The following DTNA variants were observed in gnomAD, a reference collection of about 807,000 sequenced individuals.
The protein encoded by DTNA is dystrophin-related protein 3.
DTNA carries 43 observed loss-of-function variants against 100.7 expected under a neutral mutation model. That is an observed-to-expected ratio of 0.43 (90% CI 0.33 to 0.55). DTNA has a LOEUF of 0.55. DTNA is among the 20% of genes least tolerant of loss of function. DTNA has a pLI of 0.04. For synonymous variants in DTNA, 349 were observed against 347.9 expected (o/e 1.00, Z -0.04); for missense variants, 798 against 953.9 (o/e 0.84, Z 2.15).
chr18:34,719,901 C>T (rs2084899079), intron 1 of DTNA, among the ~76,000 whole-genome samples: 1 of 152,188 alleles, frequency 6.6e-6, no homozygotes, highest in African/African-American at 2.4e-5. Context: ...GTTCTATATA[C>T]TCATCTACAT....
rs148415705 is a variant in DTNA at position 34,531,247 on chromosome 18, CTG to C, written c.-2+37735_-2+37736del. On this transcript the variant is annotated intron_variant, in intron 1 of 19. Transcript: ENST00000283365. ...TTGTTGGAGGCATCATGACCTAACACTGTTGAGATAGGTAGAGGACTGATGTT... is the reference window on the plus strand; with the variant it reads ...TTGTTGGAGGCATCATGACCTAACACTTGAGATAGGTAGAGGACTGATGTT... 5.0e-3 allele frequency among the ~76,000 whole-genome samples: 768 copies of C among 152,196 alleles called. 7 individuals carry two copies. The highest frequency in any genetic ancestry group is 0.02 in the Middle Eastern group (6 of 294).
At chr18:34,681,537 A>T (rs2078102979) in intron 1 of DTNA, among the ~76,000 whole-genome samples, 1 of 152,148 alleles carries the variant, frequency 6.6e-6, no homozygotes, top group Non-Finnish European at 1.5e-5. Flanking sequence ...ATCATGGCTT[A>T]TGTGACAATT....
intron 15 of DTNA, among the ~76,000 whole-genome samples, chr18:34,852,993 A>G (rs2096500665): frequency 6.6e-6 from 1 of 152,118 alleles, no homozygotes; most frequent in South Asian, 2.1e-4. Context: ...GTTCTTTGAG[A>G]ACAGAGGCCA....
chr18:34,856,109 G>A (rs183677638), intron 15 of DTNA, among the ~76,000 whole-genome samples: 31 of 149,410 alleles, frequency 2.1e-4, no homozygotes, highest in Admixed American at 2.0e-3. Flanking sequence ...AAATAGGAGT[G>A]AGAAGAGATG....
chr18:34,832,225 A>G (rs190228975), intron 11 of DTNA, among the ~76,000 whole-genome samples: 64 of 152,250 alleles, frequency 4.2e-4, no homozygotes, highest in African/African-American at 1.4e-3. Context: ...ATCTGGCACC[A>G]CCCTGAAGAT....
chr18:34,829,728 A>G (rs1473239504), intron 11 of DTNA, among the ~76,000 whole-genome samples: 1 of 152,206 alleles, frequency 6.6e-6, no homozygotes, highest in Non-Finnish European at 1.5e-5. Context: ...TAAGAGATGT[A>G]TATATGTGAA....
chr18:34,647,519 A>G (rs926792941), intron 1 of DTNA, among the ~76,000 whole-genome samples: 7 of 152,178 alleles, frequency 4.6e-5, no homozygotes, highest in Non-Finnish European at 8.8e-5. Flanking sequence ...ACTGCAAAGG[A>G]GTCTGGGAAA....
intron 11 of DTNA, among the ~76,000 whole-genome samples, chr18:34,833,924 T>C (rs1336495392): frequency 6.6e-6 from 1 of 152,160 alleles, no homozygotes; most frequent in Non-Finnish European, 1.5e-5. Flanking sequence ...ATGAAAGCCA[T>C]TGTCACATTC....
chr18:34,827,606 G>T lies in DTNA; in HGVS notation c.1015G>T (p.Val339Leu). 1 of 1,613,872 alleles carries T rather than the reference G, an allele frequency of 6.2e-7. No homozygotes were observed. Among genetic ancestry groups the T allele is most frequent in the Non-Finnish European group, 8.5e-7 (1 of 1,179,804 alleles). Residue 339 changes from valine (V) to leucine (L), a missense_variant, in exon 10 of 23, where the codon GTA becomes TTA. Val to Leu is a conservative substitution (Grantham distance 32). Transcript: ENST00000444659. ...NLAHIVPPRP[V>L]TSMNDTLFSH... ...GTTTTGTTTTAGGCCTCCCAGACCT[G>T]TAACCAGCATGAACGACACCCTGTT...
intron 1 of DTNA, among the ~76,000 whole-genome samples, chr18:34,671,814 A>T (rs186534810): frequency 1.3e-5 from 2 of 152,302 alleles, no homozygotes; most frequent in Admixed American, 1.3e-4. Context: ...AGACACAGTT[A>T]TACCAGATCA....
chr18:34,875,690 T>C (rs578083340), intron 18 of DTNA, among the ~76,000 whole-genome samples: 1 of 152,356 alleles, frequency 6.6e-6, no homozygotes, highest in South Asian at 2.1e-4. Context: ...ACTTCATAAA[T>C]GTAATCTATT....
intron 1 of DTNA, among the ~76,000 whole-genome samples, chr18:34,563,441 G>GT (rs1265274192): frequency 2.0e-5 from 3 of 152,182 alleles, no homozygotes; most frequent in Non-Finnish European, 4.4e-5. Context: ...AATTTCTGTT[G>GT]TTTAAAGCCA....
intron 19 of DTNA, among the ~76,000 whole-genome samples, chr18:34,878,144 T>G (rs553003816): frequency 6.6e-6 from 1 of 152,252 alleles, no homozygotes; most frequent in South Asian, 2.1e-4. Context: ...GGCTAATTTT[T>G]TGTTGTTGTT....
intron 17 of DTNA, chr18:34,868,139 G>T: frequency 2.9e-4 from 100 of 339,254 alleles, no homozygotes; most frequent in Non-Finnish European, 3.7e-4. Flanking sequence ...TACTCTGCAT[G>T]TTCTGGCAAT....
At chr18:34,546,699 G>T (rs1007300146) in intron 1 of DTNA, among the ~76,000 whole-genome samples, 2 of 152,114 alleles carry the variant, frequency 1.3e-5, no homozygotes, top group Middle Eastern at 3.4e-3. Context: ...GGCCATGGGG[G>T]AGGGGAAGCC....
At position 34,582,367 on chromosome 18, in the gene DTNA, C is replaced by T. The variant is rs144208363; in HGVS notation, c.-2+88853C>T. Reference sequence around the variant, plus strand: ...GGATGCAGTCTCAACGCCTTTTGAGCGGGAAACTCCAGAGTCTCACATGCT... The same window carrying T: ...GGATGCAGTCTCAACGCCTTTTGAGTGGGAAACTCCAGAGTCTCACATGCT... On this transcript the variant is annotated intron_variant, in intron 1 of 19. Transcript: ENST00000283365. 1.1e-4 allele frequency among the ~76,000 whole-genome samples: 16 copies of T among 152,252 alleles called. No homozygotes were observed. The East Asian group carries it at 1.2e-3, about 11-fold the overall frequency.
At chr18:34,875,512 A>G (rs1229978522) in intron 18 of DTNA, 114 bp downstream of exon 18, 2 of 1,482,156 alleles carry the variant, frequency 1.3e-6, no homozygotes, top group Non-Finnish European at 1.9e-6. Context: ...AGGGTCTTTC[A>G]TGGCTGGTGT....
chr18:34,801,428 A>G (rs907447818), intron 4 of DTNA, among the ~76,000 whole-genome samples: 1 of 152,150 alleles, frequency 6.6e-6, no homozygotes, highest in African/African-American at 2.4e-5. Flanking sequence ...TGAATAAAGT[A>G]TGTATTATGC....
intron 1 of DTNA, among the ~76,000 whole-genome samples, chr18:34,582,517 G>A (rs1034245922): frequency 2.0e-5 from 3 of 152,082 alleles, no homozygotes; most frequent in Admixed American, 6.5e-5. Flanking sequence ...AGGGCAGCCC[G>A]TCCCCACAAC....
Sources: allele counts gnomAD v4.1 joint callset (sites outside exome capture counted in the v4.1 genomes callset), GRCh38; gene constraint gnomAD v4.1.1; transcripts MANE v1.5; gene names NCBI Gene and HGNC (gene_info 2026-07-23, HGNC 2026-07-21).